The following RABL3 variants were observed in gnomAD, a reference collection of about 807,000 sequenced individuals.
RABL3 encodes the protein RAB, member of RAS oncogene family like 3.
A neutral mutation model predicts 31.8 loss-of-function variants in RABL3; 31 were observed. The observed-to-expected ratio is 0.97, with a 90% CI of 0.73 to 1.31. The LOEUF (loss-of-function observed/expected upper bound fraction) is 1.31, where lower values mean the gene tolerates loss of function less well. Ranked by LOEUF, RABL3 falls within the 40% of genes most tolerant of loss-of-function variation. The probability of loss-of-function intolerance (pLI) is 0.00; values close to 1 mark genes in which losing one functional copy is unlikely to be tolerated. For synonymous variants in RABL3, 97 were observed against 99.9 expected, an observed-to-expected ratio of 0.97 and a Z score of 0.18; for missense variants, 263 against 279.6, an observed-to-expected ratio of 0.94 and a Z score of 0.42.
At chr3:120,692,027 G>T (rs1007525361) in intron 6 of RABL3, among the ~76,000 whole-genome samples, 3 of 152,134 alleles carry the variant, frequency 2.0e-5, no homozygotes, top group South Asian at 2.1e-4. Flanking sequence ...TAGAAAAGTT[G>T]GTTTATCATT....
chr3:120,706,478 T>C (rs1407799199), intron 3 of RABL3, among the ~76,000 whole-genome samples: 2 of 151,958 alleles, frequency 1.3e-5, no homozygotes, highest in African/African-American at 4.8e-5. Context: ...CATATGAAAT[T>C]ATTCATTCAA....
Position 120,710,015 on chromosome 3 carries a change from C to T in RABL3, c.139-106G>A, listed in dbSNP as rs947587194. ...CAGCATCTTACTCTGACTTTCTGAT[C>T]GCTACCTCTTATCTTTTAAGCTTAC... On this transcript the variant is annotated intron_variant, in intron 2 of 7. Coordinates refer to ENST00000273375, the MANE Select transcript of RABL3 (RefSeq NM_173825.5). 3.9e-5 allele frequency: 29 copies of T among 737,130 alleles called. 1 individual carries two copies. Among genetic ancestry groups the T allele is most frequent in the Middle Eastern group, 3.8e-4 (1 of 2,604 alleles). The allele number at this position is 737,130 out of a possible 1,614,324, so 45.7% of individuals were successfully genotyped here.
chr3:120,741,554 G>A (rs1203739795), intron 1 of RABL3, among the ~76,000 whole-genome samples: 1 of 152,180 alleles, frequency 6.6e-6, no homozygotes, highest in African/African-American at 2.4e-5. Context: ...ACTAAGGAGA[G>A]CTGAATTGGG....
At chr3:120,701,856 C>T (rs1209294099) in intron 4 of RABL3, among the ~76,000 whole-genome samples, 1 of 152,076 alleles carries the variant, frequency 6.6e-6, no homozygotes, top group Non-Finnish European at 1.5e-5. Context: ...CCTGTCTTTC[C>T]CAGTGAATGC....
intron 2 of RABL3, among the ~76,000 whole-genome samples, chr3:120,711,150 A>G (rs972344334): frequency 1.4e-4 from 22 of 151,878 alleles, no homozygotes; most frequent in South Asian, 8.3e-4. Context: ...GGTCCTTCTT[A>G]TCTCTCTGAT....
chr3:120,734,221 T>C (rs561257255), intron 1 of RABL3, among the ~76,000 whole-genome samples: 1 of 152,352 alleles, frequency 6.6e-6, no homozygotes, highest in East Asian at 1.9e-4. Context: ...TTTTACTTCG[T>C]TGAGCAGTGG....
chr3:120,718,610 T>C (rs114472134), intron 2 of RABL3, among the ~76,000 whole-genome samples: 69 of 152,342 alleles, frequency 4.5e-4, no homozygotes, highest in Middle Eastern at 3.4e-3. Context: ...TGGGCACCAA[T>C]CAACTCTGAG....
intron 2 of RABL3, chr3:120,722,412 A>C (rs1462647556): frequency 2.0e-5 from 3 of 152,238 alleles, no homozygotes; most frequent in Non-Finnish European, 4.4e-5. Flanking sequence ...AAATTATTTC[A>C]TAACTTTGTC....
intron 2 of RABL3, among the ~76,000 whole-genome samples, chr3:120,712,719 T>C (rs1055983584): frequency 6.6e-6 from 1 of 152,220 alleles, no homozygotes; most frequent in African/African-American, 2.4e-5. Context: ...CCTTTAGCCC[T>C]AGAAAATAGC....
At chr3:120,695,931 T>C (rs976834942) in intron 5 of RABL3, among the ~76,000 whole-genome samples, 1 of 152,152 alleles carries the variant, frequency 6.6e-6, no homozygotes. Flanking sequence ...ACTATGATTT[T>C]TGGGATAAGA....
chr3:120,726,883 C>T (rs1708827944), intron 2 of RABL3, among the ~76,000 whole-genome samples: 1 of 151,858 alleles, frequency 6.6e-6, no homozygotes, highest in Admixed American at 6.6e-5. Flanking sequence ...TGAAATCAAT[C>T]ATTAAAAGAT....
chr3:120,697,706 A>G (rs1441685762), intron 5 of RABL3, among the ~76,000 whole-genome samples: 4 of 152,170 alleles, frequency 2.6e-5, no homozygotes, highest in Non-Finnish European at 4.4e-5. Context: ...AAGCACTCCT[A>G]GTTTAAGGTT....
Position 120,685,692 on chromosome 3 carries a change from C to T in RABL3, c.*4131G>A, listed in dbSNP as rs150430751. Among the ~76,000 whole-genome samples the T allele has an allele frequency of 2.0e-5, 3 of 152,266 alleles. No homozygotes were observed. Among genetic ancestry groups the T allele is most frequent in the East Asian group, 1.9e-4 (1 of 5,190 alleles). ...GATCAGGTTGAGGCAGTCAAAGATG[C>T]GCTTTGATGAATTCTGCTATAATGG... is the stretch of plus-strand genomic sequence containing the variant. On this transcript the variant is annotated 3_prime_UTR_variant, in exon 8 of 8. Coordinates refer to ENST00000273375, the MANE Select transcript of RABL3 (RefSeq NM_173825.5).
rs973209741 is a variant in RABL3, at chr3:120,685,335, C to G, written c.*4488G>C. Among the ~76,000 whole-genome samples the G allele has an allele frequency of 6.6e-6, 1 of 152,144 alleles. No homozygotes were observed. The highest frequency in any genetic ancestry group is 1.5e-5 in the Non-Finnish European group (1 of 68,028). On this transcript the variant is annotated 3_prime_UTR_variant, in exon 8 of 8. Coordinates refer to ENST00000273375, the MANE Select transcript of RABL3 (RefSeq NM_173825.5). ...AGATTACCTGATATACTTGATGGTACTGAGCGAGGTTTTACACCTTGGTTG... is the reference window on the plus strand; with the variant it reads ...AGATTACCTGATATACTTGATGGTAGTGAGCGAGGTTTTACACCTTGGTTG...
chr3:120,738,915 G>A (rs538707786), intron 1 of RABL3, among the ~76,000 whole-genome samples: 1 of 152,258 alleles, frequency 6.6e-6, no homozygotes, highest in South Asian at 2.1e-4. Context: ...CTTCCCAGGA[G>A]TAAACTCAGT....
intron 2 of RABL3, among the ~76,000 whole-genome samples, chr3:120,720,683 C>T (rs138796498): frequency 1.2e-3 from 189 of 152,230 alleles, no homozygotes; most frequent in Admixed American, 2.0e-3. Flanking sequence ...TATGGGACTA[C>T]GTGAAAAGAC....
intron 2 of RABL3, among the ~76,000 whole-genome samples, chr3:120,716,320 C>T (rs1184057833): frequency 6.6e-6 from 1 of 152,182 alleles, no homozygotes; most frequent in Non-Finnish European, 1.5e-5. Flanking sequence ...AAGAATACCA[C>T]AAAATTAAAC....
chr3:120,712,918 C>T (rs1386364718), intron 2 of RABL3, among the ~76,000 whole-genome samples: 1 of 151,950 alleles, frequency 6.6e-6, no homozygotes, highest in Non-Finnish European at 1.5e-5. Flanking sequence ...ATACAGATTC[C>T]TGGACTGTCC....
At chr3:120,717,966 C>G (rs1488362428) in intron 2 of RABL3, among the ~76,000 whole-genome samples, 2 of 152,180 alleles carry the variant, frequency 1.3e-5, no homozygotes, top group Non-Finnish European at 2.9e-5. Context: ...ACTTTGCCAC[C>G]AGCTACACTC....
Sources: allele counts gnomAD v4.1 joint callset (sites outside exome capture counted in the v4.1 genomes callset), GRCh38; gene constraint gnomAD v4.1.1; transcripts MANE v1.5; gene names NCBI Gene and HGNC (gene_info 2026-07-23, HGNC 2026-07-21).